The following NRXN3 variants were observed in gnomAD, a reference collection of about 807,000 sequenced individuals.
NRXN3 encodes the protein neurexin 3, also known as neurexin III.
In NRXN3, 32 loss-of-function variants were observed where a neutral mutation model predicts 137.6. That is an observed-to-expected ratio of 0.23 (90% CI 0.18 to 0.31). NRXN3 has a LOEUF of 0.31. Among genes scored for constraint, NRXN3 ranks in the 10% least tolerant of loss-of-function variants. The pLI, the probability that NRXN3 is intolerant of heterozygous loss-of-function variation, is 1.00. For missense variants in NRXN3, 1,574 were observed against 2,062.5 expected (o/e 0.76, Z 4.59); for synonymous variants, 798 against 784.5 (o/e 1.02, Z -0.29).
At chr14:78,816,045 T>C (rs1255845022) in intron 10 of NRXN3, among the ~76,000 whole-genome samples, 2 of 152,196 alleles carry the variant, frequency 1.3e-5, no homozygotes. Context: ...CTTCTTTTGG[T>C]ATGTTTTATA....
intron 3 of NRXN3, among the ~76,000 whole-genome samples, chr14:78,281,333 T>C (rs1441429441): frequency 6.6e-6 from 1 of 152,224 alleles, no homozygotes; most frequent in Non-Finnish European, 1.5e-5. Context: ...GGAAGTCAAG[T>C]TGGGGATTTT....
At chr14:79,666,392 G>T (rs912873267) in intron 17 of NRXN3, among the ~76,000 whole-genome samples, 1 of 152,014 alleles carries the variant, frequency 6.6e-6, no homozygotes, top group Non-Finnish European at 1.5e-5. Context: ...TAGCTGTGAG[G>T]ATTACCAATC....
rs139371619 is a variant in NRXN3, at chr14:78,656,226, G to A, written c.1221+4900G>A. The stretch of plus-strand genomic sequence containing the variant: ...CATTAGTGGGGAGAGGCAGACACAC[G>A]CATAAATGCAATAAATAGCAGTTAA... On this transcript the variant is annotated intron_variant, in intron 6 of 20. Transcript: ENST00000335750. 6.5e-4 allele frequency among the ~76,000 whole-genome samples: 99 copies of A among 152,262 alleles called. No individual in the cohort carries two copies. The East Asian group carries it at 0.016, about 25-fold the overall frequency.
intron 10 of NRXN3, among the ~76,000 whole-genome samples, chr14:78,919,989 A>G (rs1218992747): frequency 6.6e-6 from 1 of 152,238 alleles, no homozygotes; most frequent in African/African-American, 2.4e-5. Flanking sequence ...GTAGCATAGC[A>G]TTCTACACTA....
At chr14:78,550,993 G>A (rs2096683049) in intron 4 of NRXN3, among the ~76,000 whole-genome samples, 1 of 152,212 alleles carries the variant, frequency 6.6e-6, no homozygotes, top group South Asian at 2.1e-4. Context: ...ATGACCTTGT[G>A]TAAGCTTTTA....
chr14:79,815,450 C>T (rs1408982465), intron 20 of NRXN3, among the ~76,000 whole-genome samples: 1 of 151,866 alleles, frequency 6.6e-6, no homozygotes, highest in East Asian at 1.9e-4. Flanking sequence ...TTCAGTCAGG[C>T]CAGGGTAGCT....
rs546190823 is a variant in NRXN3 at position 79,143,846 on chromosome 14, G to T, written c.3262+155705G>T. On this transcript the variant is annotated intron_variant, in intron 15 of 20. Coordinates refer to ENST00000335750, the MANE Select transcript of NRXN3 (RefSeq NM_001330195.2). The stretch of plus-strand genomic sequence containing the variant: ...CTTGCAAATATTTCTGTGTGCAGTT[G>T]TGTGTTTCTACTGAAGTACCCTCCA... Among the ~76,000 whole-genome samples the T allele has an allele frequency of 9.2e-5, 14 of 152,306 alleles. 1 individual carries two copies. In the South Asian group the frequency reaches 2.9e-3, roughly 32 times the overall value.
intron 11 of NRXN3, among the ~76,000 whole-genome samples, chr14:78,960,069 C>T (rs2099405140): frequency 1.3e-5 from 2 of 152,132 alleles, no homozygotes; most frequent in South Asian, 2.1e-4. Context: ...CTTTCTTTTA[C>T]CACTAATAAT....
At chr14:78,377,296 T>A (rs1289388838) in intron 4 of NRXN3, among the ~76,000 whole-genome samples, 2 of 152,230 alleles carry the variant, frequency 1.3e-5, no homozygotes, top group Non-Finnish European at 2.9e-5. Context: ...GAGCAAAGAC[T>A]GTTGCCAGAG....
intron 6 of NRXN3, chr14:78,708,588 C>A (rs2098379436): frequency 6.6e-6 from 1 of 152,188 alleles, no homozygotes; most frequent in Non-Finnish European, 1.5e-5. Context: ...ATTAATCCCG[C>A]AAATATACTC....
chr14:79,683,102 A>G (rs551188776), intron 17 of NRXN3, among the ~76,000 whole-genome samples: 1 of 152,286 alleles, frequency 6.6e-6, no homozygotes, highest in Admixed American at 6.5e-5. Flanking sequence ...AGGAACTTGA[A>G]TTCTAAGCCC....
intron 15 of NRXN3, among the ~76,000 whole-genome samples, chr14:79,343,255 C>T (rs577730827): frequency 1.3e-5 from 2 of 152,234 alleles, no homozygotes; most frequent in African/African-American, 4.8e-5. Context: ...GATCTAGTCT[C>T]CAGGCAAGAA....
intron 6 of NRXN3, among the ~76,000 whole-genome samples, chr14:78,656,738 C>T (rs2097787229): frequency 6.6e-6 from 1 of 152,024 alleles, no homozygotes; most frequent in Non-Finnish European, 1.5e-5. Context: ...AGTTGAAGAT[C>T]AGGGATAGAA....
chr14:78,577,666 T>C (rs1158892933), intron 4 of NRXN3, among the ~76,000 whole-genome samples: 3 of 152,172 alleles, frequency 2.0e-5, no homozygotes, highest in Non-Finnish European at 4.4e-5. Context: ...GGTTTCTCCA[T>C]GTTGGTCAGG....
At chr14:78,608,666 G>T (rs926857548) in intron 4 of NRXN3, among the ~76,000 whole-genome samples, 2 of 152,048 alleles carry the variant, frequency 1.3e-5, no homozygotes, top group Non-Finnish European at 2.9e-5. Flanking sequence ...GACTGAGATG[G>T]GTAATCTACT....
In NRXN3 at chr14:78,968,186, G is replaced by A. The variant is rs746379958; in HGVS notation, c.2982G>A (p.Met994Ile). ...KNLDLKGDLY[M>I]AGLAQGMYSN... ...TTTCCTTTCCAGGTGATCTCTATATGGCTGGTCTGGCCCAAGGCATGTACA... is the reference window on the plus strand; with the variant it reads ...TTTCCTTTCCAGGTGATCTCTATATAGCTGGTCTGGCCCAAGGCATGTACA... The change falls in exon 14 of 21, where the codon ATG (methionine) becomes ATA (isoleucine). Residue 994 changes from methionine to isoleucine, a missense_variant. Coordinates refer to ENST00000335750, the MANE Select transcript of NRXN3 (RefSeq NM_001330195.2). The A allele has an allele frequency of 3.7e-6, 6 of 1,612,212 alleles. No individual in the cohort carries two copies. Among genetic ancestry groups the A allele is most frequent in the Non-Finnish European group, 5.1e-6 (6 of 1,179,054 alleles).
chr14:79,238,141 C>A (rs2073720255), intron 15 of NRXN3, among the ~76,000 whole-genome samples: 1 of 152,054 alleles, frequency 6.6e-6, no homozygotes, highest in Admixed American at 6.6e-5. Context: ...GGGTCCTGGA[C>A]TTACAAGCGG....
intron 4 of NRXN3, among the ~76,000 whole-genome samples, chr14:78,572,652 C>T (rs2096900626): frequency 6.6e-6 from 1 of 152,202 alleles, no homozygotes; most frequent in South Asian, 2.1e-4. Flanking sequence ...ATAGAGTAAG[C>T]TCAGTTGTTG....
At chr14:78,589,897 G>A (rs1370671203) in intron 4 of NRXN3, among the ~76,000 whole-genome samples, 1 of 152,194 alleles carries the variant, frequency 6.6e-6, no homozygotes, top group African/African-American at 2.4e-5. Context: ...GGCGGAGGTT[G>A]TAGTGAGCCA....
Sources: gnomAD v4.1 joint callset for allele counts (sites outside exome capture counted in the v4.1 genomes callset) on GRCh38, gnomAD v4.1.1 for gene constraint, MANE v1.5 for transcripts, NCBI Gene and HGNC (gene_info 2026-07-23, HGNC 2026-07-21) for gene names.